The following WDTC1 variants were observed in gnomAD, a reference collection of about 807,000 sequenced individuals.
The protein encoded by WDTC1 is WD and tetratricopeptide repeats 1, also known as WD and tetratricopeptide repeats protein 1.
In WDTC1, 12 loss-of-function variants were observed where a neutral mutation model predicts 76.0. That is an observed-to-expected ratio of 0.16 (90% confidence interval 0.10 to 0.26). The LOEUF (loss-of-function observed/expected upper bound fraction) is 0.26. Ranked by LOEUF, WDTC1 falls within the 10% of genes least tolerant of loss-of-function variation. WDTC1 has a pLI of 1.00. For synonymous variants in WDTC1, 326 were observed against 350.8 expected (o/e 0.93, Z 0.79); for missense variants, 511 against 908.8 (o/e 0.56, Z 5.63).
At chr1:27,236,871 C>T (rs539265901) in intron 1 of WDTC1, among the ~76,000 whole-genome samples, 5 of 152,080 alleles carry the variant, frequency 3.3e-5, no homozygotes, top group Non-Finnish European at 7.4e-5. Flanking sequence ...TGGAGTCTTG[C>T]TCTGTTGCCC....
chr1:27,281,640 G>A (rs1184493446), intron 3 of WDTC1, among the ~76,000 whole-genome samples: 1 of 152,000 alleles, frequency 6.6e-6, no homozygotes, highest in Non-Finnish European at 1.5e-5. Flanking sequence ...CCAGGCTGGA[G>A]TGCAGTGGTG....
intron 7 of WDTC1, among the ~76,000 whole-genome samples, chr1:27,293,155 G>A (rs898712220): frequency 1.5e-4 from 22 of 151,706 alleles, no homozygotes; most frequent in African/African-American, 2.4e-4. Flanking sequence ...AAATTAGGCC[G>A]GGCGTGGTGG....
intron 10 of WDTC1, 54 bp downstream of exon 10, chr1:27,296,455 C>A: frequency 1.3e-6 from 2 of 1,569,160 alleles, no homozygotes; most frequent in Non-Finnish European, 1.8e-6. Flanking sequence ...AGCTTAAGTG[C>A]ATGCTACACC....
At position 27,306,112 on chromosome 1, in the gene WDTC1, C is replaced by A; in HGVS notation, c.1837-74C>A. 3 of 1,546,998 alleles carry A rather than the reference C, an allele frequency of 1.9e-6. No homozygotes were observed. The highest frequency in any genetic ancestry group is 4.5e-5 in the East Asian group (2 of 44,438). On this transcript the variant is annotated intron_variant, in intron 15 of 15. Transcript: ENST00000319394. The surrounding 1 kb of genome is among the most constrained non-coding windows in gnomAD (Gnocchi z 5.0). The stretch of plus-strand genomic sequence containing the variant: ...TAGTTTAGTCTGTGTATTTCCCTCC[C>A]CCTCCCCTATACGTGTACCCTGGTG...
At chr1:27,266,236 A>C (rs2012658726) in intron 3 of WDTC1, among the ~76,000 whole-genome samples, 1 of 152,202 alleles carries the variant, frequency 6.6e-6, no homozygotes, top group South Asian at 2.1e-4. Context: ...TGAAGACAGA[A>C]AGAATAGCCA....
At chr1:27,291,326 T>C (rs899043776) in intron 6 of WDTC1, among the ~76,000 whole-genome samples, 1 of 152,138 alleles carries the variant, frequency 6.6e-6, no homozygotes, top group African/African-American at 2.4e-5. Context: ...ACTGAGGAGT[T>C]TGGTAAAAGT....
intron 3 of WDTC1, 140 bp downstream of exon 3, chr1:27,263,375 C>T: frequency 1.7e-6 from 1 of 581,142 alleles, no homozygotes; most frequent in Non-Finnish European, 2.8e-6. Context: ...CTTCAGTAGA[C>T]AACTAAATCT....
intron 3 of WDTC1, among the ~76,000 whole-genome samples, chr1:27,271,654 T>G (rs2012871375): frequency 1.3e-5 from 2 of 151,606 alleles, no homozygotes; most frequent in South Asian, 4.2e-4. Flanking sequence ...TTTATTTTAT[T>G]TGAGATGGAG....
At chr1:27,299,390 T>G (rs573376950) in intron 12 of WDTC1, among the ~76,000 whole-genome samples, 1 of 152,130 alleles carries the variant, frequency 6.6e-6, no homozygotes, top group East Asian at 1.9e-4. Flanking sequence ...CAAGAAAAGT[T>G]GGGTCGCTTT....
chr1:27,288,358 A>ATT, intron 6 of WDTC1, among the ~76,000 whole-genome samples: 1 of 146,216 alleles, frequency 6.8e-6, no homozygotes, highest in African/African-American at 2.5e-5. Flanking sequence ...TTATTTATTT[A>ATT]TTTTTTTTTT....
chr1:27,284,489 T>C (rs1401698437), intron 5 of WDTC1, among the ~76,000 whole-genome samples: 1 of 152,236 alleles, frequency 6.6e-6, no homozygotes, highest in Non-Finnish European at 1.5e-5. Context: ...AAACCCTTTT[T>C]TCTTCTCAAG....
chr1:27,295,451 G>GT (rs933191082), intron 9 of WDTC1, among the ~76,000 whole-genome samples: 1 of 151,248 alleles, frequency 6.6e-6, no homozygotes, highest in Admixed American at 6.6e-5. Context: ...CATGTGACGT[G>GT]TTTTTTGTTT....
In WDTC1 at chr1:27,274,230, G is replaced by A. The variant is rs1001689469; in HGVS notation, c.133-8009G>A. On this transcript the variant is annotated intron_variant, in intron 3 of 15. Coordinates refer to ENST00000319394, the MANE Select transcript of WDTC1 (RefSeq NM_001276252.2). This position sits in a 1 kb window ranked among gnomAD's most constrained non-coding sequence, Gnocchi z 4.2. ...TGCTTGAGCCTAGGAGGTTGAGGCT[G>A]CAGTGAGCCATGATCATACCACTTA... 1.3e-5 allele frequency among the ~76,000 whole-genome samples: 2 copies of A among 152,066 alleles called. No homozygotes were observed. Among genetic ancestry groups the A allele is most frequent in the Admixed American group, 1.3e-4 (2 of 15,240 alleles).
At chr1:27,245,399 T>C (rs926386951) in intron 1 of WDTC1, among the ~76,000 whole-genome samples, 3 of 151,628 alleles carry the variant, frequency 2.0e-5, no homozygotes, top group Non-Finnish European at 4.4e-5. Context: ...ATGAATCGGA[T>C]GAAGAGCAGG....
Position 27,303,849 on chromosome 1 carries a change from G to A in WDTC1, c.1643+54G>A. The A allele has an allele frequency of 6.3e-7, 1 of 1,597,568 alleles. No homozygotes were observed. The highest frequency in any genetic ancestry group is 8.5e-7 in the Non-Finnish European group (1 of 1,170,270). On this transcript the variant is annotated intron_variant, in intron 14 of 15. Transcript: ENST00000319394. This position sits in a 1 kb window ranked among gnomAD's most constrained non-coding sequence, Gnocchi z 4.8. ...CCCAGTTGGCAGCGGGAGGTTGAGT[G>A]GGGAGTGTTGGGGCATAATGGTTTC... is the stretch of plus-strand genomic sequence containing the variant.
intron 1 of WDTC1, among the ~76,000 whole-genome samples, chr1:27,243,198 ATTTTTTTTTTTTT>A (rs10714028): frequency 5.0e-5 from 3 of 60,250 alleles, no homozygotes; most frequent in Non-Finnish European, 6.8e-5. Flanking sequence ...CTGGCCAGTA[ATTTTTTTTTTTTT>A]TTTTTTTTTT....
intron 1 of WDTC1, among the ~76,000 whole-genome samples, chr1:27,237,861 C>CAAA (rs11427877): frequency 5.5e-5 from 7 of 126,270 alleles, no homozygotes; most frequent in Admixed American, 1.7e-4. Context: ...AACTCCATCT[C>CAAA]AAAAAAAAAA....
chr1:27,288,820 C>T (rs1445406252), intron 6 of WDTC1, among the ~76,000 whole-genome samples: 1 of 152,146 alleles, frequency 6.6e-6, no homozygotes, highest in Non-Finnish European at 1.5e-5. Flanking sequence ...TTCTATTCCA[C>T]AAAACCGCCA....
chr1:27,301,418 G>C lies in WDTC1; in HGVS notation c.1425G>C (p.Leu475Phe). Residue 475 changes from leucine (L) to phenylalanine (F), a missense_variant, in exon 13 of 16, where the codon TTG (leucine) becomes TTC (phenylalanine). Leu to Phe is a conservative substitution (Grantham distance 22). Coordinates refer to ENST00000319394, the MANE Select transcript of WDTC1 (RefSeq NM_001276252.2). The surrounding 1 kb of genome is among the most constrained non-coding windows in gnomAD (Gnocchi z 5.8). ...EQAHSSACDA[L>F]GRDITAALFS... ...CCCACAGCAGCGCTTGTGATGCATT[G>C]GGCCGCGACATCACAGCTGCCCTCT... 4 of 1,613,992 alleles carry C rather than the reference G, an allele frequency of 2.5e-6. No individual in the cohort carries two copies. The highest frequency in any genetic ancestry group is 3.4e-6 in the Non-Finnish European group (4 of 1,180,030).
Sources: allele counts gnomAD v4.1 joint callset (sites outside exome capture counted in the v4.1 genomes callset), GRCh38; gene constraint gnomAD v4.1.1; non-coding constraint Gnocchi (gnomAD v3.1); transcripts MANE v1.5; gene names NCBI Gene and HGNC (gene_info 2026-07-23, HGNC 2026-07-21).